Variants in ALPK1 observed in about 807,000 individuals in gnomAD.
ALPK1 encodes alpha-protein kinase 1.
ALPK1 carries 110 observed loss-of-function variants against 120.6 expected under a neutral mutation model. The observed-to-expected ratio is 0.91, with a 90% CI of 0.78 to 1.07. The LOEUF is 1.07. Ranked by LOEUF, ALPK1 falls within the 50% of genes least tolerant of loss-of-function variation. The pLI is 0.00. For synonymous variants in ALPK1, 582 were observed against 560.3 expected (o/e 1.04, Z -0.55); for missense variants, 1,498 against 1,483.9 (o/e 1.01, Z -0.16).
At chr4:112,356,688 TG>T in intron 2 of ALPK1, 1 of 974,250 alleles carries the variant, frequency 1.0e-6, no homozygotes, top group Non-Finnish European at 1.6e-6. Context: ...GAGCAGGAGC[TG>T]GCCAGCCCCA....
At chr4:112,316,104 C>T (rs1028370376) in intron 2 of ALPK1, 3 of 152,180 alleles carry the variant, frequency 2.0e-5, no homozygotes, top group East Asian at 1.9e-4. Context: ...TAAGTACACT[C>T]ACATTGTTGC....
intron 3 of ALPK1, among the ~76,000 whole-genome samples, chr4:112,380,639 T>C (rs571664889): frequency 2.0e-5 from 3 of 152,274 alleles, no homozygotes; most frequent in Admixed American, 6.5e-5. Flanking sequence ...TTCTGTCATA[T>C]CTCTTTTGCT....
At chr4:112,359,725 C>A in intron 2 of ALPK1, 1 of 287,932 alleles carries the variant, frequency 3.5e-6, no homozygotes, top group Non-Finnish European at 6.8e-6. Flanking sequence ...CACGGGCATG[C>A]AGTATCTGAG....
intron 2 of ALPK1, among the ~76,000 whole-genome samples, chr4:112,327,206 A>G (rs143928320): frequency 7.2e-4 from 109 of 152,340 alleles, no homozygotes; most frequent in African/African-American, 2.6e-3. Context: ...CTGCATTCCA[A>G]CACCAACTCT....
rs1459438350 is a variant in ALPK1, at chr4:112,382,416, T to A, written c.140T>A (p.Leu47Ter). 1 of 1,613,528 alleles carries A rather than the reference T, an allele frequency of 6.2e-7. No homozygotes were observed. The highest frequency in any genetic ancestry group is 2.2e-5 in the East Asian group (1 of 44,868). The part of the protein sequence containing the change: ...QRCRALLPSE[L>*]RTLIQEAKEM... ...TTTTCAGCTTTACTCCCCAGCGAGT[T>A]AAGGACCCTGATCCAGGAGGCAAAG... The change falls in exon 4 of 16, where the codon TTA (leucine) becomes TAA (stop). Residue 47 changes from leucine (L) to a stop codon, truncating the protein, a stop_gained. Coordinates refer to ENST00000650871, the MANE Select transcript of ALPK1 (RefSeq NM_025144.4). LOFTEE classifies it high-confidence loss of function.
At chr4:112,428,898 A>C (rs1344863930) in intron 9 of ALPK1, among the ~76,000 whole-genome samples, 1 of 152,258 alleles carries the variant, frequency 6.6e-6, no homozygotes, top group Non-Finnish European at 1.5e-5. Flanking sequence ...TCCTTTGAAC[A>C]AAGAACTGCC....
At chr4:112,349,554 C>CG (rs1387460110) in intron 2 of ALPK1, among the ~76,000 whole-genome samples, 3 of 141,656 alleles carry the variant, frequency 2.1e-5, no homozygotes, top group East Asian at 2.1e-4. Context: ...AACCCCTGCC[C>CG]CCCCCCGCTT....
intron 5 of ALPK1, 161 bp from the exon 6 acceptor site, chr4:112,423,783 T>G (rs1428988638): frequency 1.3e-6 from 1 of 750,910 alleles, no homozygotes; most frequent in South Asian, 1.5e-5. Flanking sequence ...CTTTTCAGTT[T>G]TATAGATGAT....
chr4:112,431,165 A>G lies in ALPK1; in HGVS notation c.1618A>G (p.Thr540Ala). The G allele has an allele frequency of 6.2e-7, 1 of 1,614,192 alleles. No homozygotes were observed. Among genetic ancestry groups the G allele is most frequent in the Non-Finnish European group, 8.5e-7 (1 of 1,180,046 alleles). The change falls in exon 11 of 16, where the codon ACC (threonine) becomes GCC (alanine). Residue 540 changes from threonine (T) to alanine (A), a missense_variant. Physicochemically the swap from Thr to Ala is moderately conservative, Grantham distance 58. Coordinates refer to ENST00000650871, the MANE Select transcript of ALPK1 (RefSeq NM_025144.4). ...ELRRGGRRNW[T>A]HSDAFRVSLD... ...CAGAAGGGGAGGAAGGAGAAACTGGACCCATTCTGATGCATTTCGAGTCTC... is the reference window on the plus strand; with the variant it reads ...CAGAAGGGGAGGAAGGAGAAACTGGGCCCATTCTGATGCATTTCGAGTCTC...
At chr4:112,398,357 A>G (rs958607994) in intron 4 of ALPK1, among the ~76,000 whole-genome samples, 1 of 152,070 alleles carries the variant, frequency 6.6e-6, no homozygotes. Flanking sequence ...TGATGGTGTG[A>G]TCATAGCTCA....
chr4:112,435,023 G>A (rs1734728145), intron 11 of ALPK1, 125 bp from the exon 12 acceptor site: 1 of 909,128 alleles, frequency 1.1e-6, no homozygotes, highest in South Asian at 1.6e-5. Context: ...GAAAATTAGA[G>A]AAAAGTGTAT....
chr4:112,358,114 G>A, intron 2 of ALPK1: 4 of 597,068 alleles, frequency 6.7e-6, no homozygotes, highest in South Asian at 4.4e-5. Context: ...TGAAGGGCCA[G>A]GTTGGGGCTG....
In ALPK1 at chr4:112,442,585, C is replaced by A. The variant is rs1311588159; in HGVS notation, c.*1375C>A. 1 of 151,408 alleles carries A rather than the reference C, an allele frequency of 6.6e-6. No individual in the cohort carries two copies. The highest frequency in any genetic ancestry group is 2.4e-5 in the African/African-American group (1 of 41,136). The allele number at this position is 151,408 out of a possible 1,614,324, so 9.4% of individuals were successfully genotyped here. On this transcript the variant is annotated 3_prime_UTR_variant, in exon 16 of 16. Coordinates refer to ENST00000650871, the MANE Select transcript of ALPK1 (RefSeq NM_025144.4). ...CCCATGACACAAACCTGCACATGTA[C>A]CCCTGAACTTAAAATAAAAGTAAAA...
intron 1 of ALPK1, among the ~76,000 whole-genome samples, chr4:112,305,464 A>C (rs1178127796): frequency 1.3e-5 from 2 of 152,042 alleles, no homozygotes; most frequent in Non-Finnish European, 2.9e-5. Context: ...GAGGTCCTTC[A>C]CATCCCTTGT....
At chr4:112,331,879 G>A (rs752265259) in intron 2 of ALPK1, among the ~76,000 whole-genome samples, 1 of 152,130 alleles carries the variant, frequency 6.6e-6, no homozygotes, top group Non-Finnish European at 1.5e-5. Context: ...CAATCAAGTC[G>A]CATCTGATTC....
chr4:112,337,982 T>C (rs1341320743), intron 2 of ALPK1, among the ~76,000 whole-genome samples: 1 of 152,204 alleles, frequency 6.6e-6, no homozygotes, highest in East Asian at 1.9e-4. Flanking sequence ...TCATTTTTCT[T>C]TTGAGAGGGA....
chr4:112,435,102 A>G, intron 11 of ALPK1, 46 bp from the exon 12 acceptor site: 4 of 1,576,066 alleles, frequency 2.5e-6, no homozygotes, highest in Non-Finnish European at 3.5e-6. Context: ...ATGAATTGTA[A>G]CGTCCTTTTG....
chr4:112,422,879 G>A (rs1280839421), intron 5 of ALPK1, among the ~76,000 whole-genome samples: 2 of 152,206 alleles, frequency 1.3e-5, no homozygotes, highest in African/African-American at 4.8e-5. Flanking sequence ...AGAGCATTGG[G>A]CTAAGTTCCA....
chr4:112,400,602 C>G (rs1732864583), intron 4 of ALPK1, among the ~76,000 whole-genome samples: 1 of 152,078 alleles, frequency 6.6e-6, no homozygotes, highest in Non-Finnish European at 1.5e-5. Context: ...GGTAGAAGCT[C>G]AGGTTAGGCA....
Sources: gnomAD v4.1 joint callset for allele counts (sites outside exome capture counted in the v4.1 genomes callset) on GRCh38, gnomAD v4.1.1 for gene constraint, MANE v1.5 for transcripts, NCBI Gene and HGNC (gene_info 2026-07-23, HGNC 2026-07-21) for gene names.